Variants in MTMR10 observed in about 807,000 individuals in gnomAD.
MTMR10 encodes myotubularin-related protein 10.
MTMR10 carries 56 observed loss-of-function variants against 88.1 expected under a neutral mutation model. That is an observed-to-expected ratio of 0.64 (90% confidence interval 0.51 to 0.79). MTMR10 has a LOEUF of 0.79. MTMR10 is among the 30% of genes least tolerant of loss of function. The pLI is 0.00. For synonymous variants in MTMR10, 380 were observed against 340.9 expected (o/e 1.11, Z -1.26); for missense variants, 883 against 924.7 (o/e 0.95, Z 0.58).
downstream of MTMR10, among the ~76,000 whole-genome samples, chr15:30,936,806 C>T (rs1490609834): frequency 6.6e-6 from 1 of 152,210 alleles, no homozygotes; most frequent in African/African-American, 2.4e-5. Context: ...TGGTTATCCT[C>T]ATGATCATGT....
intron 10 of MTMR10, among the ~76,000 whole-genome samples, chr15:30,954,482 T>C (rs748577908): frequency 9.2e-5 from 14 of 152,240 alleles, no homozygotes; most frequent in Non-Finnish European, 1.9e-4. Flanking sequence ...TACAGTGTTC[T>C]ACTCAGCAAA....
At chr15:30,933,667 G>A in the MTMR10 span, among the ~76,000 whole-genome samples, 5 of 152,010 alleles carry the variant, frequency 3.3e-5, no homozygotes, top group Admixed American at 6.5e-5. Context: ...TAAGTTGTCT[G>A]TGTCCTTACT....
chr15:30,953,473 G>T (rs2063279204), intron 11 of MTMR10, 89 bp downstream of exon 11: 2 of 939,774 alleles, frequency 2.1e-6, no homozygotes, highest in Non-Finnish European at 3.2e-6. Context: ...GTAAGTACAT[G>T]GCCCTCTGTG....
intron 2 of MTMR10, among the ~76,000 whole-genome samples, chr15:30,984,785 C>G (rs1024853445): frequency 4.6e-5 from 7 of 152,192 alleles, no homozygotes; most frequent in African/African-American, 1.7e-4. Context: ...AGGGAAAGAA[C>G]TGAGCTGACG....
chr15:30,930,668 TAAG>T, the MTMR10 span: 1 of 1,612,704 alleles, frequency 6.2e-7, no homozygotes, highest in East Asian at 2.2e-5. Context: ...GCCGTCACTT[TAAG>T]GTCAGTTGAG....
At chr15:30,986,541 A>G (rs1048813159) in intron 2 of MTMR10, among the ~76,000 whole-genome samples, 2 of 152,202 alleles carry the variant, frequency 1.3e-5, no homozygotes, top group African/African-American at 2.4e-5. Context: ...AGCTACAGCT[A>G]TTATCACCAA....
At chr15:30,987,523 G>A (rs979811932) in intron 2 of MTMR10, among the ~76,000 whole-genome samples, 5 of 152,112 alleles carry the variant, frequency 3.3e-5, no homozygotes, top group African/African-American at 9.7e-5. Context: ...AGTGCACATG[G>A]TGACAGCACA....
chr15:30,932,716 C>CTTTTTTTTTTTTTTT, the MTMR10 span, among the ~76,000 whole-genome samples: 1 of 134,378 alleles, frequency 7.4e-6, no homozygotes, highest in Non-Finnish European at 1.6e-5. Flanking sequence ...TGTTTCTTTT[C>CTTTTTTTTTTTTTTT]TTTTTTTTTT....
chr15:30,979,339 GA>G (rs1384862990), intron 2 of MTMR10, among the ~76,000 whole-genome samples: 9 of 151,906 alleles, frequency 5.9e-5, no homozygotes, highest in Non-Finnish European at 1.2e-4. Context: ...GAGGCGGGTG[GA>G]TCACCTGAAG....
the MTMR10 span, chr15:30,922,303 G>A: frequency 6.2e-7 from 1 of 1,614,036 alleles, no homozygotes; most frequent in Non-Finnish European, 8.5e-7. Context: ...GAGGCCGATG[G>A]TGGGATCGAC....
At chr15:30,987,944 C>A (rs1595954144) in intron 2 of MTMR10, among the ~76,000 whole-genome samples, 1 of 151,284 alleles carries the variant, frequency 6.6e-6, no homozygotes, top group African/African-American at 2.4e-5. Flanking sequence ...ATAACTTCTG[C>A]ATCCCTGTAT....
chr15:30,935,294 T>G (rs2062820768), downstream of MTMR10, among the ~76,000 whole-genome samples: 1 of 151,444 alleles, frequency 6.6e-6, no homozygotes, highest in Non-Finnish European at 1.5e-5. Context: ...GGCAACAGAG[T>G]GAGACCTTGT....
the MTMR10 span, chr15:30,929,156 G>T: frequency 6.4e-7 from 1 of 1,562,160 alleles, no homozygotes; most frequent in East Asian, 2.3e-5. Context: ...TGGTGAACAC[G>T]GCTCTCTGCA....
At chr15:30,973,231 T>C (rs531536192) in intron 5 of MTMR10, among the ~76,000 whole-genome samples, 1 of 152,308 alleles carries the variant, frequency 6.6e-6, no homozygotes, top group African/African-American at 2.4e-5. Flanking sequence ...TTTTCAATAA[T>C]GCAGCTTGCT....
In MTMR10 at chr15:30,940,951, G is replaced by T. The variant is rs778741454; in HGVS notation, c.*519C>A. 9.2e-7 allele frequency: 1 copy of T among 1,088,680 alleles called. No individual in the cohort carries two copies. Among genetic ancestry groups the T allele is most frequent in the African/African-American group, 1.7e-5 (1 of 59,146 alleles). The allele number at this position is 1,088,680 out of a possible 1,614,324, so 67.4% of individuals were successfully genotyped here. On this transcript the variant is annotated 3_prime_UTR_variant, in exon 16 of 16. Transcript: ENST00000435680. Reference sequence around the variant, plus strand: ...ACAGTGATCTAAGGTTCCAAAGAAGGTGATCTAAAATCATAAATTCTGGCC... The same window carrying T: ...ACAGTGATCTAAGGTTCCAAAGAAGTTGATCTAAAATCATAAATTCTGGCC...
rs149640646 is a variant in MTMR10 at position 30,987,282 on chromosome 15, T to C, written c.121+3495A>G. Among the ~76,000 whole-genome samples, 344 of 152,326 alleles carry C rather than the reference T, an allele frequency of 2.3e-3. 1 individual carries two copies. Among genetic ancestry groups the C allele is most frequent in the African/African-American group, 7.6e-3 (316 of 41,580 alleles). On this transcript the variant is annotated intron_variant, in intron 2 of 15. Coordinates refer to ENST00000435680, the MANE Select transcript of MTMR10 (RefSeq NM_017762.3). ...CCAGGTGGTCTGAGAGGTCCTTTCG[T>C]TCAGTCCCTCAGTAAACATCTCAGT...
chr15:30,957,771 A>G (rs1470560755), intron 9 of MTMR10, among the ~76,000 whole-genome samples: 4 of 152,136 alleles, frequency 2.6e-5, no homozygotes, highest in African/African-American at 9.7e-5. Flanking sequence ...GAGTGCAAAG[A>G]AGGCAGTCCA....
rs768282695 is a variant in MTMR10 at position 30,948,292 on chromosome 15, A to G, written c.1377+10T>C. The G allele has an allele frequency of 6.2e-7, 1 of 1,603,902 alleles. No homozygotes were observed. Among genetic ancestry groups the G allele is most frequent in the East Asian group, 2.2e-5 (1 of 44,840 alleles). ...TAAAGACTGATAAAAAGGCATCAAG[A>G]TTTTGTTACCTCTTTCTCTGATCTC... On this transcript the variant is annotated intron_variant, in intron 13 of 15. Transcript: ENST00000435680.
chr15:30,988,547 C>G (rs1340692191), intron 2 of MTMR10, among the ~76,000 whole-genome samples: 1 of 151,458 alleles, frequency 6.6e-6, no homozygotes, highest in Admixed American at 6.6e-5. Flanking sequence ...AAGAAAAGCA[C>G]AGTCAGAAAC....
Sources: allele counts gnomAD v4.1 joint callset (sites outside exome capture counted in the v4.1 genomes callset), GRCh38; gene constraint gnomAD v4.1.1; transcripts MANE v1.5; gene names NCBI Gene and HGNC (gene_info 2026-07-23, HGNC 2026-07-21).